ARID1B: variants seen among roughly 807,000 people sequenced by gnomAD.
The protein encoded by ARID1B is AT-rich interactive domain-containing protein 1B.
ARID1B carries 30 observed loss-of-function variants against 212.3 expected under a neutral mutation model. The ratio of observed to expected loss-of-function variants is 0.14; its 90% confidence interval spans 0.11 to 0.19. The LOEUF (loss-of-function observed/expected upper bound fraction) is 0.19. ARID1B is among the 10% of genes least tolerant of loss of function. The probability of loss-of-function intolerance (pLI) is 1.00; values close to 1 mark genes in which losing one functional copy is unlikely to be tolerated. For missense variants in ARID1B, 2,891 were observed against 3,204.0 expected (o/e 0.90, Z 2.36); for synonymous variants, 1,402 against 1,301.7 (o/e 1.08, Z -1.66).
At chr6:157,132,960 T>G (rs1480472410) in intron 6 of ARID1B, 68 bp from the exon 7 acceptor site, 3 of 1,502,994 alleles carry the variant, frequency 2.0e-6, no homozygotes, top group Admixed American at 2.1e-5. Context: ...TCAGTCCATG[T>G]CCATTTTTAT....
intron 4 of ARID1B, among the ~76,000 whole-genome samples, chr6:156,986,586 G>T (rs1777932060): frequency 6.6e-6 from 1 of 152,144 alleles, no homozygotes; most frequent in African/African-American, 2.4e-5. Flanking sequence ...CAGAACTTAT[G>T]TCTTCGGTGA....
At chr6:156,952,503 G>GC (rs1425954870) in intron 4 of ARID1B, among the ~76,000 whole-genome samples, 1 of 152,204 alleles carries the variant, frequency 6.6e-6, no homozygotes, top group African/African-American at 2.4e-5. Context: ...TTCCCATCCT[G>GC]CCCCCCATGG....
Position 156,880,739 on chromosome 6 carries a change from CAAAAA to C in ARID1B, c.1987-20616_1987-20612del, listed in dbSNP as rs141153792. On this transcript the variant is annotated intron_variant, in intron 2 of 19. Coordinates refer to ENST00000636930, the MANE Select transcript of ARID1B (RefSeq NM_001374828.1). ...TGGGCCACGGAGCGAGACTCTGTCT[CAAAAA>C]AAAAAAAAAAAAAAAAAAAAGAAAA... Among the ~76,000 whole-genome samples the C allele has an allele frequency of 4.6e-5, 4 of 86,966 alleles. No individual in the cohort carries two copies. The South Asian group carries it at 1.4e-3, about 31-fold the overall frequency. The allele number at this position is 86,966 out of a possible 152,430, so 57.1% of individuals were successfully genotyped here. A position where few individuals can be genotyped will look rare whatever the true frequency, so the allele number is the denominator to read the frequency against.
chr6:156,993,111 C>T (rs1035929259), intron 4 of ARID1B, among the ~76,000 whole-genome samples: 9 of 148,976 alleles, frequency 6.0e-5, no homozygotes, highest in African/African-American at 1.7e-4. Flanking sequence ...GGCATGATCT[C>T]GGCTCACTGC....
chr6:157,195,062 C>T (rs1793623725), intron 15 of ARID1B: 2 of 152,184 alleles, frequency 1.3e-5, no homozygotes, highest in African/African-American at 4.8e-5. Flanking sequence ...AGGTAACTTA[C>T]CCAAGTAAGG....
At chr6:157,042,351 C>T (rs980477929) in intron 4 of ARID1B, among the ~76,000 whole-genome samples, 6 of 152,102 alleles carry the variant, frequency 3.9e-5, no homozygotes, top group Non-Finnish European at 7.3e-5. Flanking sequence ...TATGTATTAC[C>T]AGTGTATTCA....
intron 2 of ARID1B, among the ~76,000 whole-genome samples, chr6:156,844,054 A>G (rs1428112879): frequency 1.3e-5 from 2 of 152,268 alleles, no homozygotes; most frequent in East Asian, 1.9e-4. Context: ...GTTCAATTAG[A>G]TTGTAAAGGG....
chr6:157,098,408 C>T (rs570405140), intron 5 of ARID1B, among the ~76,000 whole-genome samples: 11 of 152,306 alleles, frequency 7.2e-5, no homozygotes, highest in African/African-American at 2.4e-4. Flanking sequence ...ATAGACCTTT[C>T]CCTCCACAAG....
chr6:157,048,104 C>T (rs948220809), intron 4 of ARID1B, among the ~76,000 whole-genome samples: 1 of 152,180 alleles, frequency 6.6e-6, no homozygotes, highest in African/African-American at 2.4e-5. Flanking sequence ...TCCTTCCCTC[C>T]TCCTGCCTTA....
chr6:157,014,837 C>T (rs1397848506), intron 4 of ARID1B, among the ~76,000 whole-genome samples: 1 of 151,168 alleles, frequency 6.6e-6, no homozygotes, highest in Non-Finnish European at 1.5e-5. Flanking sequence ...TTACCAATTA[C>T]CTTATGTATA....
chr6:157,185,391 C>T (rs951348512), intron 13 of ARID1B: 2 of 152,248 alleles, frequency 1.3e-5, no homozygotes, highest in African/African-American at 4.8e-5. Flanking sequence ...CTGCACCCAC[C>T]GCTCCTGTAC....
chr6:156,830,532 G>A (rs1400733867), intron 2 of ARID1B, among the ~76,000 whole-genome samples: 5 of 152,008 alleles, frequency 3.3e-5, no homozygotes, highest in Admixed American at 6.6e-5. Flanking sequence ...GAGCCTTCTC[G>A]TTTATACACT....
intron 2 of ARID1B, among the ~76,000 whole-genome samples, chr6:156,854,596 G>T (rs747110783): frequency 4.6e-5 from 7 of 152,244 alleles, no homozygotes; most frequent in Non-Finnish European, 8.8e-5. Flanking sequence ...TCAGGACTGA[G>T]GAAGTGTGGC....
chr6:157,152,374 A>T (rs1358970885), intron 8 of ARID1B: 1 of 152,250 alleles, frequency 6.6e-6, no homozygotes, highest in Non-Finnish European at 1.5e-5. Context: ...TAGCTTCCTT[A>T]GAGTACAACA....
At chr6:157,074,322 G>A (rs974143133) in intron 4 of ARID1B, among the ~76,000 whole-genome samples, 5 of 152,158 alleles carry the variant, frequency 3.3e-5, no homozygotes, top group Non-Finnish European at 7.4e-5. Context: ...AGCCTCCGGG[G>A]TTCAAGCAAT....
At chr6:157,024,855 G>T (rs942415556) in intron 4 of ARID1B, 5 of 152,200 alleles carry the variant, frequency 3.3e-5, no homozygotes, top group African/African-American at 1.2e-4. Context: ...TGAGTAGAAA[G>T]GAACTTCATG....
intron 8 of ARID1B, among the ~76,000 whole-genome samples, chr6:157,158,432 G>C (rs1176587086): frequency 6.6e-6 from 1 of 152,180 alleles, no homozygotes; most frequent in Non-Finnish European, 1.5e-5. Flanking sequence ...ATATAGGATG[G>C]AGAACTCAGG....
chr6:156,873,688 G>A (rs1036266114), intron 2 of ARID1B, among the ~76,000 whole-genome samples: 1 of 152,216 alleles, frequency 6.6e-6, no homozygotes, highest in Admixed American at 6.5e-5. Flanking sequence ...TGCAGTACCT[G>A]TGTGCTTTGC....
chr6:157,075,840 C>G (rs544353622), intron 4 of ARID1B, among the ~76,000 whole-genome samples: 3 of 152,186 alleles, frequency 2.0e-5, no homozygotes, highest in Admixed American at 2.0e-4. Flanking sequence ...CTGACAAGTA[C>G]TCTTCAACTG....
Sources: allele counts gnomAD v4.1 joint callset (sites outside exome capture counted in the v4.1 genomes callset), GRCh38; gene constraint gnomAD v4.1.1; transcripts MANE v1.5; gene names NCBI Gene and HGNC (gene_info 2026-07-23, HGNC 2026-07-21).